Variants in PGBD5 observed in about 807,000 individuals in gnomAD.
PGBD5 encodes the protein piggyBac transposable element derived 5.
A neutral mutation model predicts 47.9 loss-of-function variants in PGBD5; 14 were observed. The observed-to-expected ratio is 0.29, with a 90% confidence interval of 0.19 to 0.46. The LOEUF (loss-of-function observed/expected upper bound fraction) is 0.46, where lower values mean the gene tolerates loss of function less well. PGBD5 is among the 20% of genes least tolerant of loss of function. The probability of loss-of-function intolerance (pLI) is 1.00; values close to 1 mark genes in which losing one functional copy is unlikely to be tolerated. For synonymous variants in PGBD5, 316 were observed against 306.3 expected (o/e 1.03, Z -0.33); for missense variants, 635 against 716.0 (o/e 0.89, Z 1.29).
At chr1:230,388,018 G>A (rs1179222571) in intron 1 of PGBD5, among the ~76,000 whole-genome samples, 1 of 152,098 alleles carries the variant, frequency 6.6e-6, no homozygotes, top group East Asian at 1.9e-4. Flanking sequence ...CCCCAGTGAT[G>A]GACGTAACTC....
intron 1 of PGBD5, among the ~76,000 whole-genome samples, chr1:230,371,960 G>A (rs1387922292): frequency 6.6e-6 from 1 of 152,188 alleles, no homozygotes; most frequent in Non-Finnish European, 1.5e-5. Flanking sequence ...GGCTAGTTGG[G>A]AATGGAAGAG....
intron 1 of PGBD5, among the ~76,000 whole-genome samples, chr1:230,391,456 T>C (rs1656783847): frequency 6.6e-6 from 1 of 152,220 alleles, no homozygotes; most frequent in Admixed American, 6.5e-5. Context: ...AATTGCATCA[T>C]TACAAAATGG....
chr1:230,373,247 C>T (rs756705854), intron 1 of PGBD5, among the ~76,000 whole-genome samples: 5 of 152,206 alleles, frequency 3.3e-5, no homozygotes, highest in African/African-American at 7.2e-5. Context: ...CACACACTCA[C>T]CTCTTCAGGA....
intron 1 of PGBD5, among the ~76,000 whole-genome samples, chr1:230,402,751 G>A (rs1330129517): frequency 6.6e-6 from 1 of 152,156 alleles, no homozygotes; most frequent in East Asian, 1.9e-4. Context: ...GCCTTCCAAA[G>A]CACTGGGTTG....
intron 5 of PGBD5, among the ~76,000 whole-genome samples, chr1:230,332,026 C>CATACAAACTTACCACACAACAAT (rs1558191290): frequency 7.9e-3 from 10 of 1,272 alleles, no homozygotes; most frequent in Non-Finnish European, 0.011. Context: ...CCACACACAC[C>CATACAAACTTACCACACAACAAT]ACACACACAC....
At position 230,321,911 on chromosome 1, in the gene PGBD5, G is replaced by C. The variant is rs953239061; in HGVS notation, c.*1514C>G. On this transcript the variant is annotated 3_prime_UTR_variant, in exon 7 of 7. Coordinates refer to ENST00000391860, the MANE Select transcript of PGBD5 (RefSeq NM_001258311.2). Reference sequence around the variant, plus strand: ...GTGGCATCGATTCCAACCACAGGGCGGGGGAGTCACCATGATCTAGAGCAC... The same window carrying C: ...GTGGCATCGATTCCAACCACAGGGCCGGGGAGTCACCATGATCTAGAGCAC... 1 of 152,628 alleles carries C rather than the reference G, an allele frequency of 6.6e-6. No homozygotes were observed. Among genetic ancestry groups the C allele is most frequent in the African/African-American group, 2.4e-5 (1 of 41,442 alleles). 9.5% of individuals were successfully genotyped at this position (152,628 alleles called of 1,614,324 possible). A position where few individuals can be genotyped will look rare whatever the true frequency, so the allele number is the denominator to read the frequency against.
intron 1 of PGBD5, among the ~76,000 whole-genome samples, chr1:230,364,554 C>G (rs1049702979): frequency 3.3e-5 from 5 of 152,272 alleles, no homozygotes; most frequent in African/African-American, 1.2e-4. Flanking sequence ...ACTCTGCGTG[C>G]ATGTGCACGT....
chr1:230,347,145 G>T (rs1042923432), intron 3 of PGBD5, among the ~76,000 whole-genome samples: 4 of 152,246 alleles, frequency 2.6e-5, no homozygotes, highest in African/African-American at 9.6e-5. Context: ...ACAGCAGTGA[G>T]AATCAGAGAA....
intron 1 of PGBD5, among the ~76,000 whole-genome samples, chr1:230,393,662 A>G (rs1298357598): frequency 6.6e-6 from 1 of 151,992 alleles, no homozygotes; most frequent in Non-Finnish European, 1.5e-5. Context: ...CGTCTCTACT[A>G]AAAATACAAA....
intron 1 of PGBD5, among the ~76,000 whole-genome samples, chr1:230,399,071 A>G (rs958760011): frequency 2.0e-5 from 3 of 151,838 alleles, no homozygotes; most frequent in Admixed American, 6.6e-5. Flanking sequence ...GGGGGTGGCT[A>G]AGTGTCAGGT....
rs116630888 is a variant in PGBD5, at chr1:230,389,604, A to T, written c.332-32283T>A. 3.5e-3 allele frequency among the ~76,000 whole-genome samples: 528 copies of T among 152,284 alleles called. 3 individuals are homozygous for T. Among genetic ancestry groups the T allele is most frequent in the African/African-American group, 0.012 (479 of 41,560 alleles). On this transcript the variant is annotated intron_variant, in intron 1 of 6. Coordinates refer to ENST00000391860, the MANE Select transcript of PGBD5 (RefSeq NM_001258311.2). ...GGCCTTCAGGATGTCTGCAGGAGAGAAGCAGGGCTTTTCCATTCCTTGGAC... is the reference window on the plus strand; with the variant it reads ...GGCCTTCAGGATGTCTGCAGGAGAGTAGCAGGGCTTTTCCATTCCTTGGAC...
rs150890962 is a variant in PGBD5, at chr1:230,328,631, T to G, written c.1274-3216A>C. On this transcript the variant is annotated intron_variant, in intron 5 of 6. Transcript: ENST00000391860. ...TGTCTATCTTCTCCATGTCTGTCTC[T>G]GTGATGTTCAAGATCGACATGGCCC... Among the ~76,000 whole-genome samples, 597 of 152,348 alleles carry G rather than the reference T, an allele frequency of 3.9e-3. 8 individuals are homozygous for G. In the East Asian group the frequency reaches 0.052, roughly 13 times the overall value.
intron 1 of PGBD5, among the ~76,000 whole-genome samples, chr1:230,419,873 C>G (rs1657610999): frequency 6.6e-6 from 1 of 152,196 alleles, no homozygotes; most frequent in Admixed American, 6.5e-5. Flanking sequence ...CACCTGTAAT[C>G]TCGGCACTTT....
At chr1:230,363,055 A>C (rs1667773164) in intron 1 of PGBD5, among the ~76,000 whole-genome samples, 1 of 152,166 alleles carries the variant, frequency 6.6e-6, no homozygotes, top group Admixed American at 6.5e-5. Context: ...CTGAGAATTC[A>C]GGACACACAA....
intron 1 of PGBD5, among the ~76,000 whole-genome samples, chr1:230,389,286 C>A (rs71654321): frequency 2.0e-5 from 3 of 151,958 alleles, no homozygotes; most frequent in Non-Finnish European, 4.4e-5. Flanking sequence ...GATTCTCCTG[C>A]CTCAGCCTCC....
In PGBD5 at chr1:230,314,861, C is replaced by T. The variant is rs1666912509; in HGVS notation, c.*8564G>A. 6.6e-6 allele frequency: 1 copy of T among 152,132 alleles called. No individual in the cohort carries two copies. The highest frequency in any genetic ancestry group is 1.5e-5 in the Non-Finnish European group (1 of 68,028). The allele number at this position is 152,132 out of a possible 1,614,324, so 9.4% of individuals were successfully genotyped here. The stretch of plus-strand genomic sequence containing the variant: ...AACAAGAAGAAACAATGTAATGTAG[C>T]AGTGGAAACAAAATTCTCACAATGA... On this transcript the variant is annotated 3_prime_UTR_variant, in exon 7 of 7. Coordinates refer to ENST00000391860, the MANE Select transcript of PGBD5 (RefSeq NM_001258311.2).
intron 5 of PGBD5, among the ~76,000 whole-genome samples, chr1:230,331,454 A>AGTTCCTGCCCCTGACTCTCAAACAT (rs1667213649): frequency 6.6e-6 from 1 of 152,052 alleles, no homozygotes; most frequent in East Asian, 1.9e-4. Context: ...GGTAGGAAGC[A>AGTTCCTGCCCCTGACTCTCAAACAT]GTTCCTGCCC....
rs377679024 is a variant in PGBD5 at position 230,367,915 on chromosome 1, G to C, written c.332-10594C>G. ...TCTGCAGGTGAATGCAGAGGCTCGG[G>C]GAAGAGAACTTGCTCAAGGTCACGC... On this transcript the variant is annotated intron_variant, in intron 1 of 6. Coordinates refer to ENST00000391860, the MANE Select transcript of PGBD5 (RefSeq NM_001258311.2). 1.1e-5 allele frequency: 15 copies of C among 1,343,998 alleles called. No individual in the cohort carries two copies. In the African/African-American group the frequency reaches 2.1e-4, roughly 19 times the overall value. The allele number at this position is 1,343,998 out of a possible 1,614,324, so 83.3% of individuals were successfully genotyped here.
rs1177430903 is a variant in PGBD5 at position 230,357,855 on chromosome 1, A to C, written c.332-534T>G. Among the ~76,000 whole-genome samples, 1 of 152,208 alleles carries C rather than the reference A, an allele frequency of 6.6e-6. No individual in the cohort carries two copies. Among genetic ancestry groups the C allele is most frequent in the African/African-American group, 2.4e-5 (1 of 41,442 alleles). ...TGTAAGTTTTAAAATTAAAATGTGC[A>C]TATTTATACATATAAATTAAAAGCA... On this transcript the variant is annotated intron_variant, in intron 1 of 6. Transcript: ENST00000391860. The surrounding 1 kb of genome is among the most constrained non-coding windows in gnomAD (Gnocchi z 5.7).
Sources: gnomAD v4.1 joint callset for allele counts (sites outside exome capture counted in the v4.1 genomes callset) on GRCh38, gnomAD v4.1.1 for gene constraint, Gnocchi (gnomAD v3.1) non-coding constraint, MANE v1.5 for transcripts, NCBI Gene and HGNC (gene_info 2026-07-23, HGNC 2026-07-21) for gene names.